Variants in SAMTOR observed in about 807,000 individuals in gnomAD.
The protein encoded by SAMTOR is S-adenosylmethionine sensor upstream of mTORC1.
the SAMTOR span, among the ~76,000 whole-genome samples, chr7:112,877,631 T>C: frequency 1.3e-5 from 2 of 152,232 alleles, no homozygotes; most frequent in Non-Finnish European, 2.9e-5. Flanking sequence ...GTATGGCTGG[T>C]ATAGTTTGGA....
chr7:112,843,556 T>C, the SAMTOR span, among the ~76,000 whole-genome samples: 1 of 152,018 alleles, frequency 6.6e-6, no homozygotes, highest in Non-Finnish European at 1.5e-5. Flanking sequence ...GACCGATAAA[T>C]TCCTGAACAC....
chr7:112,835,806 G>C, the SAMTOR span, among the ~76,000 whole-genome samples: 1 of 152,132 alleles, frequency 6.6e-6, no homozygotes. Context: ...TGCTAAAAAG[G>C]ACATGATTTC....
At chr7:112,828,847 T>C in the SAMTOR span, among the ~76,000 whole-genome samples, 1 of 152,228 alleles carries the variant, frequency 6.6e-6, no homozygotes, top group Non-Finnish European at 1.5e-5. Flanking sequence ...TTCATCTTCA[T>C]TTTTGAAAGA....
chr7:112,838,901 A>C, the SAMTOR span, among the ~76,000 whole-genome samples: 2 of 151,328 alleles, frequency 1.3e-5, no homozygotes, highest in African/African-American at 4.8e-5. Context: ...AGAATGAGGG[A>C]ACGGAGGGAA....
At chr7:112,872,027 G>A in the SAMTOR span, among the ~76,000 whole-genome samples, 21 of 152,204 alleles carry the variant, frequency 1.4e-4, no homozygotes, top group South Asian at 1.2e-3. Flanking sequence ...ATTCATAGCC[G>A]AATTCTACCA....
chr7:112,859,372 C>T, the SAMTOR span, among the ~76,000 whole-genome samples: 24 of 152,152 alleles, frequency 1.6e-4, no homozygotes, highest in African/African-American at 4.3e-4. Context: ...CTAACATTTG[C>T]GGAGTTGCTG....
At chr7:112,872,247 C>A in the SAMTOR span, among the ~76,000 whole-genome samples, 3 of 151,954 alleles carry the variant, frequency 2.0e-5, no homozygotes, top group East Asian at 5.8e-4. Flanking sequence ...ACTAGCAAAC[C>A]AAATCCAGCA....
the SAMTOR span, among the ~76,000 whole-genome samples, chr7:112,885,074 C>A: frequency 4.6e-5 from 7 of 152,238 alleles, no homozygotes; most frequent in Non-Finnish European, 8.8e-5. Context: ...CCCTCTGAAG[C>A]AATGGCCTGA....
the SAMTOR span, among the ~76,000 whole-genome samples, chr7:112,911,865 C>T: frequency 6.6e-6 from 1 of 151,672 alleles, no homozygotes; most frequent in African/African-American, 2.4e-5. Context: ...ACACTATTAA[C>T]CAGCTTGAAC....
At chr7:112,916,715 C>A in the SAMTOR span, among the ~76,000 whole-genome samples, 1 of 152,130 alleles carries the variant, frequency 6.6e-6, no homozygotes, top group African/African-American at 2.4e-5. Flanking sequence ...CGGATGGCAC[C>A]TGGAAAATCG....
the SAMTOR span, among the ~76,000 whole-genome samples, chr7:112,935,940 T>C: frequency 6.6e-6 from 1 of 152,128 alleles, no homozygotes; most frequent in African/African-American, 2.4e-5. Flanking sequence ...TCTACTTCAG[T>C]TCTTGATTTG....
At chr7:112,841,309 C>G in the SAMTOR span, among the ~76,000 whole-genome samples, 11 of 152,208 alleles carry the variant, frequency 7.2e-5, no homozygotes, top group African/African-American at 2.6e-4. Flanking sequence ...AAAGCCAAAT[C>G]ATGAGTGAAC....
the SAMTOR span, among the ~76,000 whole-genome samples, chr7:112,918,493 A>T: frequency 6.6e-6 from 1 of 152,382 alleles, no homozygotes; most frequent in Non-Finnish European, 1.5e-5. Flanking sequence ...CTGCAAAATC[A>T]TGCCAAATTG....
At chr7:112,856,983 T>C in the SAMTOR span, among the ~76,000 whole-genome samples, 7 of 152,094 alleles carry the variant, frequency 4.6e-5, no homozygotes, top group Admixed American at 6.6e-5. Flanking sequence ...TAAATTGGTA[T>C]TGAGTTACAT....
At chr7:112,871,933 T>C in the SAMTOR span, among the ~76,000 whole-genome samples, 1 of 152,260 alleles carries the variant, frequency 6.6e-6, no homozygotes, top group East Asian at 1.9e-4. Context: ...TGTCCAAAGA[T>C]TAAATTGGGA....
the SAMTOR span, among the ~76,000 whole-genome samples, chr7:112,901,612 T>C: frequency 1.3e-5 from 2 of 152,254 alleles, no homozygotes; most frequent in Non-Finnish European, 2.9e-5. Context: ...AATGGAAAAA[T>C]TGTCTTCCAC....
At chr7:112,842,593 CT>C in the SAMTOR span, among the ~76,000 whole-genome samples, 4 of 151,934 alleles carry the variant, frequency 2.6e-5, no homozygotes, top group African/African-American at 9.7e-5. Flanking sequence ...TCCAGTTTAA[CT>C]TTTAAAGTAA....
chr7:112,939,785 C>A, the SAMTOR span: 3 of 1,520,748 alleles, frequency 2.0e-6, no homozygotes, highest in Admixed American at 3.6e-5. Flanking sequence ...GCCCCTCAGG[C>A]CCCCGCAGAC....
the SAMTOR span, among the ~76,000 whole-genome samples, chr7:112,862,877 T>C: frequency 1.3e-5 from 2 of 150,914 alleles, no homozygotes; most frequent in Admixed American, 1.3e-4. Context: ...TGTAGTGAGC[T>C]GAGATCATGC....
Sources: allele counts gnomAD v4.1 joint callset (sites outside exome capture counted in the v4.1 genomes callset), GRCh38; gene constraint gnomAD v4.1.1; transcripts MANE v1.5; gene names NCBI Gene and HGNC (gene_info 2026-07-23, HGNC 2026-07-21).